Variants in TRPC6 observed in about 807,000 individuals in gnomAD.
TRPC6 encodes transient receptor potential cation channel subfamily C member 6.
A neutral mutation model predicts 90.7 loss-of-function variants in TRPC6; 55 were observed. That is an observed-to-expected ratio of 0.61 (90% CI 0.49 to 0.76). The LOEUF is 0.76. Among genes scored for constraint, TRPC6 ranks in the 30% least tolerant of loss-of-function variants. TRPC6 has a pLI of 0.00. For missense variants in TRPC6, 989 were observed against 1,122.7 expected, an observed-to-expected ratio of 0.88 and a Z score of 1.70; for synonymous variants, 393 against 393.0, an observed-to-expected ratio of 1.00 and a Z score of 0.00.
At chr11:101,465,697 T>G (rs1056827787) in intron 10 of TRPC6, among the ~76,000 whole-genome samples, 1 of 152,234 alleles carries the variant, frequency 6.6e-6, no homozygotes, top group African/African-American at 2.4e-5. Context: ...TCTAACCTTT[T>G]TTCAAGGTTC....
intron 1 of TRPC6, among the ~76,000 whole-genome samples, chr11:101,525,969 T>A (rs891947138): frequency 6.6e-6 from 1 of 152,122 alleles, no homozygotes; most frequent in Non-Finnish European, 1.5e-5. Flanking sequence ...GGCAGCTCCT[T>A]TTCTTTGGGA....
At chr11:101,572,697 T>C (rs1303406746) in intron 1 of TRPC6, among the ~76,000 whole-genome samples, 5 of 152,200 alleles carry the variant, frequency 3.3e-5, no homozygotes, top group African/African-American at 4.8e-5. Context: ...GATGAGTTCA[T>C]GTCCTTTGTA....
At chr11:101,526,377 T>C (rs913489110) in intron 1 of TRPC6, among the ~76,000 whole-genome samples, 1 of 152,194 alleles carries the variant, frequency 6.6e-6, no homozygotes, top group African/African-American at 2.4e-5. Flanking sequence ...TTCTATAAGA[T>C]ACATGCTTTG....
intron 1 of TRPC6, among the ~76,000 whole-genome samples, chr11:101,522,240 C>T (rs1286236120): frequency 1.3e-5 from 2 of 151,946 alleles, no homozygotes; most frequent in Non-Finnish European, 2.9e-5. Context: ...ATGGATATTC[C>T]CCTTACTATT....
intron 3 of TRPC6, among the ~76,000 whole-genome samples, chr11:101,489,513 A>G (rs1219360383): frequency 6.6e-6 from 1 of 152,124 alleles, no homozygotes; most frequent in East Asian, 1.9e-4. Context: ...AATGTCACAG[A>G]GTTTATACTA....
chr11:101,474,524 A>T (rs908185488), intron 6 of TRPC6, among the ~76,000 whole-genome samples: 3 of 152,198 alleles, frequency 2.0e-5, no homozygotes, highest in Non-Finnish European at 4.4e-5. Context: ...TTAGGAGAGG[A>T]TAACAAGAAA....
chr11:101,489,442 A>G lies in TRPC6; in HGVS notation c.1129-341T>C, dbSNP rs559812956. Among the ~76,000 whole-genome samples the G allele has an allele frequency of 1.4e-3, 206 of 152,258 alleles. 1 individual carries two copies. The highest frequency in any genetic ancestry group is 4.8e-3 in the African/African-American group (201 of 41,570). On this transcript the variant is annotated intron_variant, in intron 3 of 12. Coordinates refer to ENST00000344327, the MANE Select transcript of TRPC6 (RefSeq NM_004621.6). ...TAGTTTTTTCATCTAGAAAGAGATCAATATTAACTCAGTTGCCTAAATACT... is the reference window on the plus strand; with the variant it reads ...TAGTTTTTTCATCTAGAAAGAGATCGATATTAACTCAGTTGCCTAAATACT...
Position 101,504,569 on chromosome 11 carries a change from G to T in TRPC6, c.400C>A (p.Gln134Lys). 6.2e-7 allele frequency: 1 copy of T among 1,614,130 alleles called. No homozygotes were observed. The highest frequency in any genetic ancestry group is 8.5e-7 in the Non-Finnish European group (1 of 1,180,010). The change falls in exon 2 of 13, where the codon CAG becomes AAG. Residue 134 changes from glutamine to lysine, a missense_variant. Coordinates refer to ENST00000344327, the MANE Select transcript of TRPC6 (RefSeq NM_004621.6). ...LNVNCVDYMGQNALQLAVANE... is the reference protein window; with the variant it reads ...LNVNCVDYMGKNALQLAVANE... ...GCCACTGCCAACTGTAGGGCATTCTGGCCCATGTAATCCACACAGTTAACG... is the reference window on the plus strand; with the variant it reads ...GCCACTGCCAACTGTAGGGCATTCTTGCCCATGTAATCCACACAGTTAACG...
rs577193852 is a variant in TRPC6, at chr11:101,530,061, C to T, written c.171-25263G>A. On this transcript the variant is annotated intron_variant, in intron 1 of 12. Coordinates refer to ENST00000344327, the MANE Select transcript of TRPC6 (RefSeq NM_004621.6). ...CACCACCCACAGGCCTGGCAGCAGA[C>T]GCTGAAGTACCCCTGTAACTCAGCT... Among the ~76,000 whole-genome samples the T allele has an allele frequency of 7.9e-5, 12 of 152,290 alleles. No homozygotes were observed. In the East Asian group the frequency reaches 9.7e-4, roughly 12 times the overall value.
chr11:101,471,505 AT>A, intron 8 of TRPC6, 119 bp from the exon 9 acceptor site: 1 of 1,061,234 alleles, frequency 9.4e-7, no homozygotes, highest in South Asian at 1.3e-5. Flanking sequence ...GACCCCAGTG[AT>A]CGTTCCAAGA....
At chr11:101,583,275 G>A (rs1387990695) in intron 1 of TRPC6, 59 bp downstream of exon 1, 57 of 1,527,248 alleles carry the variant, frequency 3.7e-5, no homozygotes, top group Non-Finnish European at 4.8e-5. Context: ...ACTCCTGCGA[G>A]CGCACAACCT....
At chr11:101,541,648 A>AT (rs1396811049) in intron 1 of TRPC6, among the ~76,000 whole-genome samples, 1 of 152,198 alleles carries the variant, frequency 6.6e-6, no homozygotes, top group Non-Finnish European at 1.5e-5. Flanking sequence ...TCCATGGGCA[A>AT]TTTCTGATTA....
chr11:101,565,571 T>A (rs1457732212), intron 1 of TRPC6, among the ~76,000 whole-genome samples: 1 of 151,986 alleles, frequency 6.6e-6, no homozygotes, highest in East Asian at 1.9e-4. Flanking sequence ...GGAAGGGGAA[T>A]TTTTTTAATA....
intron 2 of TRPC6, among the ~76,000 whole-genome samples, chr11:101,495,961 T>C (rs1859936111): frequency 6.6e-6 from 1 of 150,882 alleles, no homozygotes. Flanking sequence ...AAAAAAGAGG[T>C]TTAATTGGCT....
At chr11:101,535,732 A>C (rs1405815117) in intron 1 of TRPC6, among the ~76,000 whole-genome samples, 1 of 152,220 alleles carries the variant, frequency 6.6e-6, no homozygotes, top group Non-Finnish European at 1.5e-5. Flanking sequence ...GTTAGGATGG[A>C]AAGAATAAAA....
At chr11:101,522,091 T>C (rs1426589920) in intron 1 of TRPC6, among the ~76,000 whole-genome samples, 2 of 152,116 alleles carry the variant, frequency 1.3e-5, no homozygotes, top group Non-Finnish European at 2.9e-5. Flanking sequence ...TGTTTTGCAA[T>C]GTGAGAAGGA....
intron 10 of TRPC6, chr11:101,455,366 A>G (rs1242081419): frequency 2.6e-6 from 1 of 387,992 alleles, no homozygotes; most frequent in Non-Finnish European, 4.8e-6. Flanking sequence ...CATGAGAATC[A>G]CGCGTTAACC....
chr11:101,455,224 C>A, intron 10 of TRPC6, 123 bp from the exon 11 acceptor site: 1 of 768,190 alleles, frequency 1.3e-6, no homozygotes, highest in South Asian at 1.6e-5. Flanking sequence ...TGTATAGTGC[C>A]ATTTATCTTG....
At chr11:101,528,376 C>T (rs562568190) in intron 1 of TRPC6, among the ~76,000 whole-genome samples, 2 of 152,202 alleles carry the variant, frequency 1.3e-5, no homozygotes, top group African/African-American at 2.4e-5. Flanking sequence ...TTGGATAAAC[C>T]TCATTGCCTA....
Sources: gnomAD v4.1 joint callset for allele counts (sites outside exome capture counted in the v4.1 genomes callset) on GRCh38, gnomAD v4.1.1 for gene constraint, MANE v1.5 for transcripts, NCBI Gene and HGNC (gene_info 2026-07-23, HGNC 2026-07-21) for gene names.